The following NDUFAF6 variants were observed in gnomAD, a reference collection of about 807,000 sequenced individuals.
The protein encoded by NDUFAF6 is NADH:ubiquinone oxidoreductase complex assembly factor 6.
NDUFAF6 carries 45 observed loss-of-function variants against 40.8 expected under a neutral mutation model. The observed-to-expected ratio is 1.10, with a 90% CI of 0.87 to 1.42. The LOEUF is 1.42. Among genes scored for constraint, NDUFAF6 ranks in the 40% most tolerant of loss-of-function variants. The probability of loss-of-function intolerance (pLI) is 0.00; values close to 1 mark genes in which losing one functional copy is unlikely to be tolerated. For missense variants in NDUFAF6, 435 were observed against 418.5 expected, an observed-to-expected ratio of 1.04 and a Z score of -0.34; for synonymous variants, 185 against 155.9, an observed-to-expected ratio of 1.19 and a Z score of -1.39.
At chr8:95,090,301 C>T (rs1224453095) in intron 2 of NDUFAF6, among the ~76,000 whole-genome samples, 2 of 152,174 alleles carry the variant, frequency 1.3e-5, no homozygotes, top group Admixed American at 6.5e-5. Flanking sequence ...TTACCTAGCA[C>T]GCCTGCACCT....
chr8:95,044,758 T>A (rs936660900), intron 4 of NDUFAF6, among the ~76,000 whole-genome samples: 2 of 138,376 alleles, frequency 1.4e-5, no homozygotes, highest in African/African-American at 5.1e-5. Flanking sequence ...ACCCAGCCTC[T>A]TTTTTTTTTT....
At chr8:95,079,932 T>A (rs1398441166), downstream of NDUFAF6, among the ~76,000 whole-genome samples, 1 of 145,196 alleles carries the variant, frequency 6.9e-6, no homozygotes, top group Non-Finnish European at 1.5e-5. Flanking sequence ...TTGTAGTGAT[T>A]TTTGGTAGTG....
chr8:94,996,099 C>G (rs535629240), intron 2 of NDUFAF6, among the ~76,000 whole-genome samples: 2 of 152,286 alleles, frequency 1.3e-5, no homozygotes, highest in South Asian at 4.1e-4. Flanking sequence ...CTGTTTCTTC[C>G]TAGATAGTCA....
At chr8:95,031,014 A>G (rs1047626691) in intron 1 of NDUFAF6, among the ~76,000 whole-genome samples, 2 of 152,218 alleles carry the variant, frequency 1.3e-5, no homozygotes, top group South Asian at 2.1e-4. Flanking sequence ...CTTATCCCCA[A>G]GGGGATGGCA....
intron 1 of NDUFAF6, among the ~76,000 whole-genome samples, chr8:94,962,609 G>GTTTTTTT (rs375083573): frequency 4.4e-5 from 2 of 45,810 alleles, no homozygotes; most frequent in African/African-American, 1.3e-4. Context: ...TCTGTTTTTT[G>GTTTTTTT]TTTTTTGTTT....
At chr8:94,961,106 A>G (rs985528794) in intron 1 of NDUFAF6, among the ~76,000 whole-genome samples, 3 of 152,250 alleles carry the variant, frequency 2.0e-5, no homozygotes, top group African/African-American at 7.2e-5. Flanking sequence ...GACGAACAAT[A>G]CAGAGAAGCA....
chr8:95,093,993 C>G (rs921595232), intron 2 of NDUFAF6, among the ~76,000 whole-genome samples: 4 of 151,972 alleles, frequency 2.6e-5, no homozygotes, highest in African/African-American at 9.7e-5. Context: ...TTTTTTGAGA[C>G]AGCGTCTCAC....
chr8:95,103,122 G>C (rs908913370), exon 3 of NDUFAF6: 4 of 152,198 alleles, frequency 2.6e-5, no homozygotes, highest in Non-Finnish European at 5.9e-5. Flanking sequence ...GTTTTGCCAA[G>C]CTTGTGTCAC....
rs558797111 is a variant in NDUFAF6, at chr8:94,907,658, T to G, written c.-936+11731T>G. 2.0e-5 allele frequency among the ~76,000 whole-genome samples: 3 copies of G among 152,318 alleles called. No homozygotes were observed. The East Asian group carries it at 5.8e-4, about 29-fold the overall frequency. On this transcript the variant is annotated intron_variant, in intron 1 of 14. Coordinates refer to the NDUFAF6 transcript ENST00000396113. ...TGAGCAAGTCAGAGTTCATCATGCC[T>G]TCAGTTCTGATAAGGGGAACTGAGT...
chr8:94,940,028 G>A (rs1237453753), intron 1 of NDUFAF6: 1 of 1,614,068 alleles, frequency 6.2e-7, no homozygotes, highest in Non-Finnish European at 8.5e-7. Context: ...AGTAAAACAT[G>A]GGGGTGGGGT....
chr8:94,942,561 C>G (rs1821646778), intron 1 of NDUFAF6, among the ~76,000 whole-genome samples: 1 of 152,228 alleles, frequency 6.6e-6, no homozygotes, highest in South Asian at 2.1e-4. Flanking sequence ...GAATAAAGTC[C>G]TCAGTCCAGG....
rs1463130744 is a variant in NDUFAF6, at chr8:95,035,531, C to A, written c.375C>A (p.Tyr125Ter). ...GGAAAAAAACTGTGGAAGATATATA[C>A]TGTGACAATCCACCACATCAGCCTG... Reference protein sequence around the residue: ...QFWKKTVEDIYCDNPPHQPVA... With the variant: ...QFWKKTVEDI Residue 125 changes from tyrosine (Y) to a stop codon, truncating the protein, a stop_gained, in exon 3 of 9, where the codon TAC (tyrosine) becomes TAA (stop). Coordinates refer to ENST00000396124, the MANE Select transcript of NDUFAF6 (RefSeq NM_152416.4). LOFTEE classifies it high-confidence loss of function. The A allele has an allele frequency of 6.2e-7, 1 of 1,612,790 alleles. No homozygotes were observed. Among genetic ancestry groups the A allele is most frequent in the African/African-American group, 1.3e-5 (1 of 74,592 alleles).
chr8:94,943,472 G>C (rs1821733317), intron 1 of NDUFAF6, among the ~76,000 whole-genome samples: 1 of 152,176 alleles, frequency 6.6e-6, no homozygotes, highest in Admixed American at 6.5e-5. Flanking sequence ...GAGTGACACA[G>C]CGAGACCTTG....
At chr8:95,000,544 A>T (rs888535414) in intron 2 of NDUFAF6, among the ~76,000 whole-genome samples, 47 of 152,040 alleles carry the variant, frequency 3.1e-4, no homozygotes, top group African/African-American at 1.0e-3. Context: ...ATTAGATAAG[A>T]TATGCAAAAA....
At chr8:94,908,120 G>A (rs909860978) in intron 1 of NDUFAF6, among the ~76,000 whole-genome samples, 10 of 152,330 alleles carry the variant, frequency 6.6e-5, no homozygotes, top group African/African-American at 2.2e-4. Flanking sequence ...CCCATGACTT[G>A]AGTTTGCCTG....
intron 1 of NDUFAF6, among the ~76,000 whole-genome samples, chr8:94,944,471 G>C (rs573752459): frequency 1.3e-5 from 2 of 152,216 alleles, no homozygotes; most frequent in Non-Finnish European, 2.9e-5. Context: ...TACAGGAAAG[G>C]CTTCTCTGGA....
intron 1 of NDUFAF6, chr8:94,974,475 T>C (rs1261751562): frequency 1.3e-5 from 2 of 152,140 alleles, no homozygotes; most frequent in Non-Finnish European, 2.9e-5. Flanking sequence ...TATATTGTTC[T>C]CCAGCTTTCA....
At chr8:95,105,122 G>A (rs1316764391), downstream of NDUFAF6, among the ~76,000 whole-genome samples, 1 of 129,148 alleles carries the variant, frequency 7.7e-6, no homozygotes, top group Non-Finnish European at 1.6e-5. Flanking sequence ...GAGAGATCAC[G>A]TAGCCCAAGA....
chr8:95,103,082 C>T (rs1387737086), exon 3 of NDUFAF6: 1 of 152,148 alleles, frequency 6.6e-6, no homozygotes, highest in Non-Finnish European at 1.5e-5. Flanking sequence ...CTTTTGTCCC[C>T]CAGCATTATG....
Sources: gnomAD v4.1 joint callset for allele counts (sites outside exome capture counted in the v4.1 genomes callset) on GRCh38, gnomAD v4.1.1 for gene constraint, MANE v1.5 for transcripts, NCBI Gene and HGNC (gene_info 2026-07-23, HGNC 2026-07-21) for gene names.